The following PARD3 variants were observed in gnomAD, a reference collection of about 807,000 sequenced individuals.
PARD3 encodes the protein partitioning defective 3 homolog.
Under a neutral mutation model 155.4 loss-of-function variants are expected in PARD3, and 75 were observed. The observed-to-expected ratio is 0.48, with a 90% CI of 0.40 to 0.58. PARD3 has a LOEUF of 0.58. PARD3 is among the 20% of genes least tolerant of loss of function. The probability of loss-of-function intolerance (pLI) is 0.00; values close to 1 mark genes in which losing one functional copy is unlikely to be tolerated. For missense variants in PARD3, 1,642 were observed against 1,721.7 expected (o/e 0.95, Z 0.82); for synonymous variants, 576 against 610.5 (o/e 0.94, Z 0.83).
chr10:34,254,742 C>T (rs572992436), intron 22 of PARD3, among the ~76,000 whole-genome samples: 2 of 152,170 alleles, frequency 1.3e-5, no homozygotes, highest in East Asian at 3.9e-4. Context: ...TATGTGATAC[C>T]AGGTGGGGTG....
At chr10:34,549,802 T>C (rs1454008172) in intron 2 of PARD3, among the ~76,000 whole-genome samples, 2 of 152,076 alleles carry the variant, frequency 1.3e-5, no homozygotes, top group Non-Finnish European at 2.9e-5. Flanking sequence ...TGAGGCATAC[T>C]CTCCCACTGT....
At chr10:34,742,924 G>A (rs1175814288) in intron 1 of PARD3, among the ~76,000 whole-genome samples, 2 of 152,120 alleles carry the variant, frequency 1.3e-5, no homozygotes, top group Admixed American at 6.6e-5. Context: ...CTGAAAGCAG[G>A]AGCTTCGGAG....
At chr10:34,533,281 G>A (rs1486220265) in intron 2 of PARD3, among the ~76,000 whole-genome samples, 1 of 151,900 alleles carries the variant, frequency 6.6e-6, no homozygotes, top group East Asian at 1.9e-4. Context: ...CTAGAAGAGG[G>A]AGGAAGGGAA....
At chr10:34,548,909 A>C (rs1239974360) in intron 2 of PARD3, among the ~76,000 whole-genome samples, 1 of 152,232 alleles carries the variant, frequency 6.6e-6, no homozygotes, top group Non-Finnish European at 1.5e-5. Flanking sequence ...TTGGACAGGA[A>C]TAATCCAGGT....
At chr10:34,523,873 AAT>A (rs2082306952) in intron 2 of PARD3, among the ~76,000 whole-genome samples, 1 of 152,214 alleles carries the variant, frequency 6.6e-6, no homozygotes, top group South Asian at 2.1e-4. Context: ...ATAGTTTATA[AAT>A]TATAGATTTC....
intron 19 of PARD3, among the ~76,000 whole-genome samples, chr10:34,323,532 A>C (rs1958502843): frequency 6.6e-6 from 1 of 152,030 alleles, no homozygotes; most frequent in Non-Finnish European, 1.5e-5. Context: ...CAAATAGATG[A>C]CTCCTCAGAC....
chr10:34,733,575 C>T (rs1020748858), intron 1 of PARD3, among the ~76,000 whole-genome samples: 2 of 152,214 alleles, frequency 1.3e-5, no homozygotes, highest in Non-Finnish European at 2.9e-5. Context: ...ACTCCTCCTC[C>T]CGGGCTCAAG....
intron 1 of PARD3, among the ~76,000 whole-genome samples, chr10:34,814,251 C>G (rs1465729877): frequency 9.9e-5 from 15 of 152,196 alleles, no homozygotes; most frequent in Admixed American, 9.8e-4. Context: ...CTCCCCGACC[C>G]CAAGCCGGCG....
intron 22 of PARD3, among the ~76,000 whole-genome samples, chr10:34,259,386 T>C (rs1954836318): frequency 1.3e-5 from 2 of 152,092 alleles, no homozygotes; most frequent in South Asian, 2.1e-4. Flanking sequence ...AGAATCTGCT[T>C]CCTCGCTTTT....
At chr10:34,577,974 C>T (rs1241390190) in intron 2 of PARD3, among the ~76,000 whole-genome samples, 1 of 151,878 alleles carries the variant, frequency 6.6e-6, no homozygotes, top group Non-Finnish European at 1.5e-5. Flanking sequence ...GCCTCGGCCT[C>T]CTGAGTAGCT....
rs1205917975 is a variant in PARD3 at position 34,437,553 on chromosome 10, G to C, written c.714+12764C>G. 2.0e-5 allele frequency among the ~76,000 whole-genome samples: 3 copies of C among 151,770 alleles called. No individual in the cohort carries two copies. In the East Asian group the frequency reaches 5.8e-4, roughly 29 times the overall value. ...TGTAAGCAAACATCCATTGTTCCTA[G>C]AATAAGAAAAAAATTCATCTCCAAG... is the stretch of plus-strand genomic sequence containing the variant. On this transcript the variant is annotated intron_variant, in intron 5 of 24. Transcript: ENST00000374788.
At chr10:34,595,239 T>C (rs146944764) in intron 2 of PARD3, among the ~76,000 whole-genome samples, 328 of 152,350 alleles carry the variant, frequency 2.2e-3, no homozygotes, top group African/African-American at 7.5e-3. Flanking sequence ...TTGCCTCTCA[T>C]TGAATGTTTA....
chr10:34,136,749 CAGTAAGTCTA>C (rs1564422734), intron 22 of PARD3, among the ~76,000 whole-genome samples: 1 of 152,264 alleles, frequency 6.6e-6, no homozygotes, highest in East Asian at 1.9e-4. Flanking sequence ...CAAATTCTAC[CAGTAAGTCTA>C]AGACATCAAT....
At chr10:34,771,930 A>G (rs1838921351) in intron 1 of PARD3, among the ~76,000 whole-genome samples, 1 of 152,204 alleles carries the variant, frequency 6.6e-6, no homozygotes, top group African/African-American at 2.4e-5. Context: ...CCTGGAAACA[A>G]CTTCCATCAA....
rs114504183 is a variant in PARD3 at position 34,478,861 on chromosome 10, C to T, written c.404-8598G>A. On this transcript the variant is annotated intron_variant, in intron 3 of 24. Transcript: ENST00000374788. ...ATTTTCTAATGACATATTAATGTTT[C>T]CATCCAAAAGCCAAGCATTTTTCTG... Among the ~76,000 whole-genome samples the T allele has an allele frequency of 9.1e-3, 1,378 of 152,176 alleles. 13 individuals carry two copies. The highest frequency in any genetic ancestry group is 0.032 in the African/African-American group (1,312 of 41,518).
intron 7 of PARD3, among the ~76,000 whole-genome samples, chr10:34,393,630 C>A (rs1843046589): frequency 6.6e-6 from 1 of 151,792 alleles, no homozygotes; most frequent in Admixed American, 6.6e-5. Context: ...GCCGCTCACA[C>A]CTGTAATCCC....
intron 3 of PARD3, among the ~76,000 whole-genome samples, chr10:34,492,805 C>T (rs2080005551): frequency 6.6e-6 from 1 of 152,204 alleles, no homozygotes; most frequent in South Asian, 2.1e-4. Context: ...AGAATCTTTT[C>T]AGTCAAACAC....
chr10:34,184,223 G>A (rs915726192), intron 22 of PARD3, among the ~76,000 whole-genome samples: 1 of 152,208 alleles, frequency 6.6e-6, no homozygotes, highest in Non-Finnish European at 1.5e-5. Context: ...CGAACAACAG[G>A]AGAGGAACTG....
rs145209560 is a variant in PARD3, at chr10:34,556,093, A to C, written c.223-38934T>G. Among the ~76,000 whole-genome samples the C allele has an allele frequency of 2.7e-4, 41 of 152,348 alleles. 1 individual carries two copies. Among genetic ancestry groups the C allele is most frequent in the African/African-American group, 9.4e-4 (39 of 41,576 alleles). ...AAAGCAACTCATGGGAAAGAAGAAT[A>C]AAGCAGAAGCCCTGAAGAAAGCAGA... On this transcript the variant is annotated intron_variant, in intron 2 of 24. Coordinates refer to ENST00000374788, the MANE Select transcript of PARD3 (RefSeq NM_001184785.2).
Sources: allele counts gnomAD v4.1 joint callset (sites outside exome capture counted in the v4.1 genomes callset), GRCh38; gene constraint gnomAD v4.1.1; transcripts MANE v1.5; gene names NCBI Gene and HGNC (gene_info 2026-07-23, HGNC 2026-07-21).